The following AFG2B variants were observed in gnomAD, a reference collection of about 807,000 sequenced individuals.
AFG2B encodes ATPase family gene 2 protein homolog B.
chr15:45,403,628 T>C, the AFG2B span: 4 of 1,413,878 alleles, frequency 2.8e-6, no homozygotes, highest in Non-Finnish European at 3.8e-6. Context: ...TCGGTGAGGT[T>C]GGAGTTGGGG....
At chr15:45,404,354 T>G in the AFG2B span, among the ~76,000 whole-genome samples, 54 of 152,314 alleles carry the variant, frequency 3.5e-4, no homozygotes, top group African/African-American at 1.3e-3. Flanking sequence ...ACTTGTTAAA[T>G]GACATAGAAT....
the AFG2B span, among the ~76,000 whole-genome samples, chr15:45,414,220 C>T: frequency 2.0e-5 from 3 of 152,152 alleles, no homozygotes; most frequent in Non-Finnish European, 2.9e-5. Context: ...GATAGCCACA[C>T]GAAGATCTTG....
chr15:45,406,338 A>G, the AFG2B span, among the ~76,000 whole-genome samples: 6 of 152,192 alleles, frequency 3.9e-5, no homozygotes, highest in South Asian at 2.1e-4. Flanking sequence ...TTTCTGTTCT[A>G]TCACTGGTGA....
chr15:45,402,503 GC>G, the AFG2B span: 3 of 1,608,268 alleles, frequency 1.9e-6, no homozygotes, highest in Non-Finnish European at 2.5e-6. Context: ...AGAGACCGGG[GC>G]ACCCAGCGCT....
the AFG2B span, among the ~76,000 whole-genome samples, chr15:45,408,365 T>TTC: frequency 6.6e-6 from 1 of 151,934 alleles, no homozygotes; most frequent in African/African-American, 2.4e-5. Context: ...CCTCTTCTCT[T>TTC]TCTCTCTCTC....
chr15:45,405,619 C>A, the AFG2B span: 1 of 966,546 alleles, frequency 1.0e-6, no homozygotes, highest in Non-Finnish European at 1.5e-6. Flanking sequence ...ATAGCTTCCA[C>A]AGCTGTTGCT....
At chr15:45,418,789 G>A in the AFG2B span, 2 of 1,417,668 alleles carry the variant, frequency 1.4e-6, no homozygotes, top group Non-Finnish European at 1.9e-6. Context: ...ACCATGTGAT[G>A]TGAAACAGAC....
At chr15:45,418,674 T>C in the AFG2B span, 2 of 1,601,976 alleles carry the variant, frequency 1.2e-6, no homozygotes, top group Non-Finnish European at 1.7e-6. Context: ...TAGAAACCTC[T>C]GCACAGAAGT....
At chr15:45,411,094 C>T in the AFG2B span, among the ~76,000 whole-genome samples, 18 of 152,080 alleles carry the variant, frequency 1.2e-4, no homozygotes, top group African/African-American at 4.1e-4. Context: ...CCCAGCTACT[C>T]GGAAGGCTGA....
chr15:45,417,099 T>C, the AFG2B span: 1 of 683,634 alleles, frequency 1.5e-6, no homozygotes, highest in Non-Finnish European at 2.3e-6. Context: ...AATGATTTGT[T>C]TCTGGGATAT....
At chr15:45,403,541 C>T in the AFG2B span, 1 of 1,592,450 alleles carries the variant, frequency 6.3e-7, no homozygotes. Flanking sequence ...GGCGGGTTTG[C>T]CCACTGTCGG....
chr15:45,402,344 T>G, the AFG2B span: 2 of 1,532,562 alleles, frequency 1.3e-6, no homozygotes, highest in Non-Finnish European at 1.7e-6. Context: ...GCAATCTGCT[T>G]CCGGCCTGCG....
chr15:45,409,310 G>A, the AFG2B span, among the ~76,000 whole-genome samples: 1 of 151,258 alleles, frequency 6.6e-6, no homozygotes, highest in African/African-American at 2.4e-5. Flanking sequence ...CCAGGAGGCG[G>A]AGGCTGCAGG....
chr15:45,403,421 G>A, the AFG2B span: 2 of 1,609,656 alleles, frequency 1.2e-6, no homozygotes, highest in Admixed American at 1.7e-5. Context: ...CTGCTGGACG[G>A]CGCCAGTGGG....
chr15:45,405,335 C>G, the AFG2B span: 2 of 1,613,986 alleles, frequency 1.2e-6, no homozygotes, highest in South Asian at 2.2e-5. Context: ...CATTGGGACT[C>G]CCACACTTAA....
At chr15:45,402,374 T>G in the AFG2B span, 2 of 1,552,256 alleles carry the variant, frequency 1.3e-6, no homozygotes, top group Non-Finnish European at 1.7e-6. Context: ...TTCCGCTTTT[T>G]GTGGGCCGGG....
chr15:45,406,928 C>G, the AFG2B span: 2 of 994,720 alleles, frequency 2.0e-6, no homozygotes, highest in East Asian at 6.0e-5. Flanking sequence ...TTTTAAAGTT[C>G]TGTGTGTAAA....
the AFG2B span, chr15:45,403,486 G>A: frequency 2.7e-5 from 43 of 1,606,596 alleles, no homozygotes; most frequent in Non-Finnish European, 3.6e-5. Context: ...TCTAGACCCA[G>A]CGCTGCGTAG....
chr15:45,418,683 G>GT, the AFG2B span: 1 of 1,598,940 alleles, frequency 6.3e-7, no homozygotes, highest in African/African-American at 1.4e-5. Context: ...CTGCACAGAA[G>GT]TAAGTTAATT....
Sources: allele counts gnomAD v4.1 joint callset (sites outside exome capture counted in the v4.1 genomes callset), GRCh38; gene constraint gnomAD v4.1.1; transcripts MANE v1.5; gene names NCBI Gene and HGNC (gene_info 2026-07-23, HGNC 2026-07-21).